The following ZNF486 variants were observed in gnomAD, a reference collection of about 807,000 sequenced individuals.
ZNF486 encodes zinc finger protein 486.
A neutral mutation model predicts 12.8 loss-of-function variants in ZNF486; 12 were observed. The ratio of observed to expected loss-of-function variants is 0.94; its 90% confidence interval spans 0.60 to 1.52. ZNF486 has a LOEUF of 1.52. ZNF486 is among the 40% of genes most tolerant of loss of function. The pLI, the probability that ZNF486 is intolerant of heterozygous loss-of-function variation, is 0.00. For missense variants in ZNF486, 738 were observed against 545.0 expected, an observed-to-expected ratio of 1.35 and a Z score of -3.53; for synonymous variants, 231 against 184.9, an observed-to-expected ratio of 1.25 and a Z score of -2.02.
intron 1 of ZNF486, chr19:20,176,324 C>A (rs954080717): frequency 1.9e-5 from 3 of 155,346 alleles, no homozygotes; most frequent in African/African-American, 9.9e-5. Context: ...CGGGCAGAGA[C>A]CCTCCTCACT....
intron 3 of ZNF486, 70 bp downstream of exon 3, chr19:20,186,152 G>A: frequency 8.3e-7 from 1 of 1,211,790 alleles, no homozygotes; most frequent in Non-Finnish European, 1.1e-6. Context: ...AAGAAAGCCA[G>A]TCCTTAAAAT....
At position 20,198,245 on chromosome 19, in the gene ZNF486, A is replaced by C; in HGVS notation, c.*143A>C. The C allele has an allele frequency of 5.9e-6, 4 of 681,866 alleles. No individual in the cohort carries two copies. The highest frequency in any genetic ancestry group is 4.2e-5 in the South Asian group (2 of 47,670). The allele number at this position is 681,866 out of a possible 1,614,324, so 42.2% of individuals were successfully genotyped here. A position where few individuals can be genotyped will look rare whatever the true frequency, so the allele number is the denominator to read the frequency against. On this transcript the variant is annotated 3_prime_UTR_variant, in exon 4 of 4. Coordinates refer to ENST00000335117, the MANE Select transcript of ZNF486 (RefSeq NM_052852.4). ...AACTCTCCTTAGTAGCTAGGATTAC[A>C]GGGCTGCACCACCACACCTGGCTAA...
At chr19:20,193,555 G>A (rs1421076015) in intron 3 of ZNF486, among the ~76,000 whole-genome samples, 1 of 152,002 alleles carries the variant, frequency 6.6e-6, no homozygotes, top group Non-Finnish European at 1.5e-5. Context: ...CAGCTCCTCA[G>A]GAGGCTGAAG....
chr19:20,182,621 T>C (rs2089798924), intron 1 of ZNF486, among the ~76,000 whole-genome samples: 2 of 152,212 alleles, frequency 1.3e-5, no homozygotes, highest in Non-Finnish European at 2.9e-5. Flanking sequence ...GTGTGGTGCA[T>C]AATTCCATTA....
chr19:20,175,555 A>G (rs1555714588), intron 1 of ZNF486, among the ~76,000 whole-genome samples: 1 of 151,440 alleles, frequency 6.6e-6, no homozygotes, highest in African/African-American at 2.4e-5. Context: ...GCTGCCTTCA[A>G]GCATCTGTTT....
intron 1 of ZNF486, among the ~76,000 whole-genome samples, chr19:20,175,556 G>C (rs2089698483): frequency 6.6e-6 from 1 of 151,428 alleles, no homozygotes; most frequent in East Asian, 1.9e-4. Context: ...CTGCCTTCAA[G>C]CATCTGTTTA....
At chr19:20,184,519 C>G (rs782446482) in intron 2 of ZNF486, 37 bp downstream of exon 2, 5 of 1,534,416 alleles carry the variant, frequency 3.3e-6, no homozygotes, top group Middle Eastern at 1.7e-4. Context: ...ATAAAAAACC[C>G]CAAAAGTTTT....
rs533712289 is a variant in ZNF486 at position 20,184,316 on chromosome 19, G to A, written c.31-40G>A. On this transcript the variant is annotated intron_variant, in intron 1 of 3. Transcript: ENST00000335117. ...ACCTTAAATTAAAAATTCCACCAACGGCGACTTGGTGAAAATGTGTGTGTG... is the reference window on the plus strand; with the variant it reads ...ACCTTAAATTAAAAATTCCACCAACAGCGACTTGGTGAAAATGTGTGTGTG... 99 of 1,605,714 alleles carry A rather than the reference G, an allele frequency of 6.2e-5. 1 individual carries two copies. The South Asian group carries it at 9.2e-4, about 15-fold the overall frequency.
intron 1 of ZNF486, among the ~76,000 whole-genome samples, chr19:20,169,862 A>G (rs1316745532): frequency 6.7e-6 from 1 of 150,108 alleles, no homozygotes; most frequent in Non-Finnish European, 1.5e-5. Context: ...CCGTGTTCTT[A>G]GAAGGGACAT....
intron 3 of ZNF486, among the ~76,000 whole-genome samples, chr19:20,187,489 C>T (rs1330550490): frequency 6.7e-6 from 1 of 150,186 alleles, no homozygotes; most frequent in Non-Finnish European, 1.5e-5. Flanking sequence ...ATGGAGCAAA[C>T]ACCTCTTCAA....
rs369197950 is a variant in ZNF486 at position 20,186,059 on chromosome 19, A to C, written c.230A>C (p.His77Pro). 36 of 1,594,308 alleles carry C rather than the reference A, an allele frequency of 2.3e-5. No homozygotes were observed. Among genetic ancestry groups the C allele is most frequent in the Non-Finnish European group, 3.0e-5 (35 of 1,172,280 alleles). The change falls in exon 3 of 4, where the codon CAT becomes CCT. Residue 77 changes from histidine (H) to proline (P), a missense_variant. Physicochemically the swap from His to Pro is moderately conservative, Grantham distance 77. Transcript: ENST00000335117. ...ATAAAACCTCTGACTATGAAGAGAC[A>C]TGAGATGATTGCCAAACCCCCAGGT... Reference protein sequence around the residue: ...QGIKPLTMKRHEMIAKPPVVC... With the variant: ...QGIKPLTMKRPEMIAKPPVVC...
At chr19:20,171,583 A>G (rs782121086) in intron 1 of ZNF486, among the ~76,000 whole-genome samples, 3 of 152,222 alleles carry the variant, frequency 2.0e-5, no homozygotes, top group Non-Finnish European at 2.9e-5. Context: ...GATCTGGGCC[A>G]CATGTTTATA....
intron 3 of ZNF486, among the ~76,000 whole-genome samples, chr19:20,196,208 G>A (rs1390092061): frequency 3.3e-5 from 5 of 152,120 alleles, no homozygotes; most frequent in African/African-American, 1.2e-4. Flanking sequence ...TAGAGATGGG[G>A]TTTTACCGTG....
At chr19:20,175,987 G>A (rs1416083005) in intron 1 of ZNF486, 1 of 166,352 alleles carries the variant, frequency 6.0e-6, no homozygotes, top group East Asian at 1.9e-4. Context: ...CCCGGACGGG[G>A]CGGCTGGCCT....
chr19:20,170,908 C>G (rs531291025), intron 1 of ZNF486, among the ~76,000 whole-genome samples: 1 of 152,210 alleles, frequency 6.6e-6, no homozygotes, highest in African/African-American at 2.4e-5. Context: ...GTGTTTTGTT[C>G]AGTTCTGTGA....
intron 1 of ZNF486, among the ~76,000 whole-genome samples, chr19:20,179,692 T>A (rs1338473691): frequency 6.6e-6 from 1 of 152,126 alleles, no homozygotes; most frequent in Non-Finnish European, 1.5e-5. Flanking sequence ...TTAACAAAAG[T>A]CATTTTCTGC....
chr19:20,186,788 T>TTTTTTTTTTTTTG (rs2089852237), intron 3 of ZNF486, among the ~76,000 whole-genome samples: 1 of 147,228 alleles, frequency 6.8e-6, no homozygotes, highest in African/African-American at 2.5e-5. Flanking sequence ...TCATAGGTTT[T>TTTTTTTTTTTTTG]TTTTTTTTTT....
Position 20,198,004 on chromosome 19 carries a change from A to G in ZNF486, c.1294A>G (p.Lys432Glu). The G allele has an allele frequency of 6.2e-7, 1 of 1,613,644 alleles. No individual in the cohort carries two copies. The highest frequency in any genetic ancestry group is 8.5e-7 in the Non-Finnish European group (1 of 1,179,720). ...TEHKTTHTGE[K>E]PYKCKECGKA... Reference sequence around the variant, plus strand: ...ACATAAGACAACTCATACTGGAGAGAAACCTTACAAATGTAAAGAATGTGG... The same window carrying G: ...ACATAAGACAACTCATACTGGAGAGGAACCTTACAAATGTAAAGAATGTGG... Residue 432 changes from lysine to glutamate, a missense_variant, in exon 4 of 4, where the codon AAA becomes GAA. Lys to Glu is a moderately conservative substitution (Grantham distance 56). Transcript: ENST00000335117.
At chr19:20,186,296 T>G (rs1199894363) in intron 3 of ZNF486, among the ~76,000 whole-genome samples, 1 of 152,202 alleles carries the variant, frequency 6.6e-6, no homozygotes, top group Non-Finnish European at 1.5e-5. Context: ...ATTCTACTAT[T>G]CTTTCGGTGA....
Sources: gnomAD v4.1 joint callset for allele counts (sites outside exome capture counted in the v4.1 genomes callset) on GRCh38, gnomAD v4.1.1 for gene constraint, MANE v1.5 for transcripts, NCBI Gene and HGNC (gene_info 2026-07-23, HGNC 2026-07-21) for gene names.